The following ATP8A2 variants were observed in gnomAD, a reference collection of about 807,000 sequenced individuals.
ATP8A2 encodes phospholipid-transporting ATPase IB.
A neutral mutation model predicts 165.6 loss-of-function variants in ATP8A2; 100 were observed. That is an observed-to-expected ratio of 0.60 (90% CI 0.51 to 0.71). The LOEUF (loss-of-function observed/expected upper bound fraction) is 0.71, where lower values mean the gene tolerates loss of function less well. Among genes scored for constraint, ATP8A2 ranks in the 30% least tolerant of loss-of-function variants. The pLI, the probability that ATP8A2 is intolerant of heterozygous loss-of-function variation, is 0.00. For synonymous variants in ATP8A2, 543 were observed against 548.8 expected (o/e 0.99, Z 0.15); for missense variants, 1,227 against 1,479.5 (o/e 0.83, Z 2.80).
chr13:25,648,928 T>C (rs962645759), intron 24 of ATP8A2: 4 of 438,638 alleles, frequency 9.1e-6, no homozygotes, highest in African/African-American at 4.0e-5. Context: ...CTGACTATTA[T>C]GACTGTATTC....
chr13:25,769,099 A>G lies in ATP8A2; in HGVS notation c.2438A>G (p.Lys813Arg). 6.2e-7 allele frequency: 1 copy of G among 1,614,140 alleles called. No homozygotes were observed. Among genetic ancestry groups the G allele is most frequent in the Non-Finnish European group, 8.5e-7 (1 of 1,179,996 alleles). Residue 813 changes from lysine to arginine, a missense_variant, in exon 26 of 37, where the codon AAG becomes AGG. By Grantham distance (26) the Lys-to-Arg change is conservative. Coordinates refer to ENST00000381655, the MANE Select transcript of ATP8A2 (RefSeq NM_016529.6). ...GTGGATGTGGTGAAGAAGCGGGTGAAGGCCATCACCCTCGCCATCGGAGAC... is the reference window on the plus strand; with the variant it reads ...GTGGATGTGGTGAAGAAGCGGGTGAGGGCCATCACCCTCGCCATCGGAGAC... The part of the protein sequence containing the change: ...EIVDVVKKRV[K>R]AITLAIGDGA...
Position 25,635,526 on chromosome 13 carries a change from C to A in ATP8A2, c.2211+45827C>A, listed in dbSNP as rs149708182. ...TCTGAGACATCCTCCTGCCAGGAAA[C>A]CTGTTTAAATCCGTTTATTGCAGGA... is the stretch of plus-strand genomic sequence containing the variant. On this transcript the variant is annotated intron_variant, in intron 24 of 36. Coordinates refer to ENST00000381655, the MANE Select transcript of ATP8A2 (RefSeq NM_016529.6). Among the ~76,000 whole-genome samples the A allele has an allele frequency of 6.9e-3, 1,053 of 152,274 alleles. 2 individuals carry two copies. Among genetic ancestry groups the A allele is most frequent in the Admixed American group, 8.1e-3 (124 of 15,302 alleles).
At chr13:25,812,370 T>C (rs1396598234) in intron 27 of ATP8A2, among the ~76,000 whole-genome samples, 2 of 148,950 alleles carry the variant, frequency 1.3e-5, no homozygotes, top group Non-Finnish European at 3.0e-5. Context: ...TCACTTCTCT[T>C]TGATGCTCTC....
At chr13:25,597,858 T>A (rs951662451) in intron 24 of ATP8A2, among the ~76,000 whole-genome samples, 3 of 147,340 alleles carry the variant, frequency 2.0e-5, no homozygotes, top group Non-Finnish European at 4.5e-5. Context: ...AAGTTTTTTG[T>A]TTTTTTTTTT....
chr13:25,510,163 C>A (rs150292397), intron 2 of ATP8A2, among the ~76,000 whole-genome samples: 323 of 143,804 alleles, frequency 2.2e-3, no homozygotes, highest in South Asian at 0.013. Flanking sequence ...TGTCTGTTCC[C>A]GTCTGTCTGT....
At chr13:25,678,356 G>A (rs1275265458) in intron 24 of ATP8A2, among the ~76,000 whole-genome samples, 9 of 152,192 alleles carry the variant, frequency 5.9e-5, no homozygotes, top group Non-Finnish European at 1.3e-4. Context: ...TGACAGGCTG[G>A]CAGCAGGTGG....
chr13:25,708,001 C>T (rs1348738487), intron 25 of ATP8A2, among the ~76,000 whole-genome samples: 2 of 152,202 alleles, frequency 1.3e-5, no homozygotes, highest in African/African-American at 4.8e-5. Context: ...ACCAGAAGAG[C>T]TCACAGACAC....
At chr13:25,718,537 G>T (rs2043304855) in intron 25 of ATP8A2, among the ~76,000 whole-genome samples, 1 of 152,064 alleles carries the variant, frequency 6.6e-6, no homozygotes, top group Non-Finnish European at 1.5e-5. Flanking sequence ...CCATTCTATT[G>T]TGTCTAGAGA....
rs9581388 is a variant in ATP8A2 at position 25,551,352 on chromosome 13, G to T, written c.906G>T (p.Ala302=). ...DTKLMQNSTK[A]PLKRSNVEKV... The stretch of plus-strand genomic sequence containing the variant: ...CTGTTGTGTAGAATTCAACCAAAGC[G>T]CCTCTCAAGAGATCAAATGTTGAGA... Residue 302 remains alanine (A), a synonymous_variant, in exon 11 of 37, where the codon GCG becomes GCT. Transcript: ENST00000381655. The T allele has an allele frequency of 1.2e-6, 2 of 1,613,332 alleles. No individual in the cohort carries two copies. The highest frequency in any genetic ancestry group is 1.7e-6 in the Non-Finnish European group (2 of 1,179,644).
rs556614642 is a variant in ATP8A2, at chr13:25,903,026, G to A, written c.3183+40618G>A. 8.6e-5 allele frequency among the ~76,000 whole-genome samples: 13 copies of A among 150,974 alleles called. No individual in the cohort carries two copies. In the South Asian group the frequency reaches 1.5e-3, roughly 17 times the overall value. ...CAAAGTAGATAAAAACTCCTGTCTC[G>A]AATCACTTGAACCTGGGAGGCGGAG... On this transcript the variant is annotated intron_variant, in intron 33 of 36. Coordinates refer to ENST00000381655, the MANE Select transcript of ATP8A2 (RefSeq NM_016529.6).
Position 25,372,334 on chromosome 13 carries a change from G to A in ATP8A2, c.76+46G>A, listed in dbSNP as rs761880329. The stretch of plus-strand genomic sequence containing the variant: ...CGAGGGAGGGTGGGCCCGGGGCGGG[G>A]GCGGCGCGGGGCGCGCCTGCGGTTA... On this transcript the variant is annotated intron_variant, in intron 1 of 36. Transcript: ENST00000381655. The surrounding 1 kb of genome is among the most constrained non-coding windows in gnomAD (Gnocchi z 4.8). The A allele has an allele frequency of 2.2e-6, 3 of 1,338,030 alleles. No homozygotes were observed. The highest frequency in any genetic ancestry group is 3.0e-5 in the South Asian group (2 of 67,266). The allele number at this position is 1,338,030 out of a possible 1,614,324, so 82.9% of individuals were successfully genotyped here.
chr13:25,688,811 T>C (rs1593198960), intron 24 of ATP8A2, among the ~76,000 whole-genome samples: 1 of 152,252 alleles, frequency 6.6e-6, no homozygotes, highest in African/African-American at 2.4e-5. Flanking sequence ...GCTTCGGCCC[T>C]TTCTGTCTGG....
At chr13:25,911,610 A>G (rs977247505) in intron 33 of ATP8A2, among the ~76,000 whole-genome samples, 2 of 152,136 alleles carry the variant, frequency 1.3e-5, no homozygotes, top group Admixed American at 1.3e-4. Context: ...GCAGCTTCGA[A>G]CTCATATGGT....
chr13:25,597,395 A>G (rs2040264418), intron 24 of ATP8A2, among the ~76,000 whole-genome samples: 1 of 152,212 alleles, frequency 6.6e-6, no homozygotes, highest in African/African-American at 2.4e-5. Context: ...CCCTTGCATG[A>G]TATAAGAGTC....
At chr13:25,990,261 TAAAAAAAAA>T (rs3056351) in intron 35 of ATP8A2, among the ~76,000 whole-genome samples, 1 of 108,370 alleles carries the variant, frequency 9.2e-6, no homozygotes, top group African/African-American at 3.5e-5. Flanking sequence ...CATGTAACTG[TAAAAAAAAA>T]AAAAAAAAAA....
intron 1 of ATP8A2, among the ~76,000 whole-genome samples, chr13:25,414,520 A>G (rs1227691567): frequency 6.6e-6 from 1 of 152,140 alleles, no homozygotes; most frequent in Non-Finnish European, 1.5e-5. Context: ...AGAAGTACTC[A>G]TCATAATAAA....
At chr13:25,889,088 A>G (rs1027680107) in intron 33 of ATP8A2, among the ~76,000 whole-genome samples, 1 of 151,934 alleles carries the variant, frequency 6.6e-6, no homozygotes, top group Admixed American at 6.6e-5. Context: ...ATTCTCCACA[A>G]AAGATTTCAA....
chr13:25,515,807 C>T (rs1339719973), intron 2 of ATP8A2, among the ~76,000 whole-genome samples: 2 of 152,212 alleles, frequency 1.3e-5, no homozygotes, highest in Admixed American at 6.5e-5. Flanking sequence ...TAACTCATGT[C>T]TCTATGTTGG....
At chr13:25,865,231 T>C (rs1952474385) in intron 33 of ATP8A2, among the ~76,000 whole-genome samples, 1 of 152,216 alleles carries the variant, frequency 6.6e-6, no homozygotes, top group Admixed American at 6.5e-5. Context: ...GGTTGGTAAC[T>C]GCTTAGGAGT....
Sources: allele counts gnomAD v4.1 joint callset (sites outside exome capture counted in the v4.1 genomes callset), GRCh38; gene constraint gnomAD v4.1.1; non-coding constraint Gnocchi (gnomAD v3.1); transcripts MANE v1.5; gene names NCBI Gene and HGNC (gene_info 2026-07-23, HGNC 2026-07-21).